MYCBP2: variants seen among roughly 807,000 people sequenced by gnomAD.
MYCBP2 encodes the protein MYC binding protein 2.
MYCBP2 carries 120 observed loss-of-function variants against 525.3 expected under a neutral mutation model. The ratio of observed to expected loss-of-function variants is 0.23; its 90% CI spans 0.20 to 0.27. The LOEUF (loss-of-function observed/expected upper bound fraction) is 0.27, where lower values mean the gene tolerates loss of function less well. MYCBP2 is among the 10% of genes least tolerant of loss of function. The pLI is 1.00. For missense variants in MYCBP2, 4,149 were observed against 5,657.1 expected (o/e 0.73, Z 8.55); for synonymous variants, 1,894 against 1,955.8 (o/e 0.97, Z 0.83).
chr13:77,234,747 G>A (rs1171857252), intron 17 of MYCBP2, among the ~76,000 whole-genome samples: 1 of 151,798 alleles, frequency 6.6e-6, no homozygotes, highest in Non-Finnish European at 1.5e-5. Flanking sequence ...TTCTTAACAT[G>A]CATGATTTCT....
chr13:77,057,556 G>T (rs2038369102), intron 78 of MYCBP2, among the ~76,000 whole-genome samples: 1 of 152,110 alleles, frequency 6.6e-6, no homozygotes, highest in African/African-American at 2.4e-5. Context: ...ATTATGTATA[G>T]ATCAATTATA....
intron 17 of MYCBP2, among the ~76,000 whole-genome samples, chr13:77,240,094 ATT>A (rs1217850997): frequency 6.6e-6 from 1 of 152,100 alleles, no homozygotes; most frequent in Non-Finnish European, 1.5e-5. Flanking sequence ...TATTCATCTA[ATT>A]TTGTTTTCTT....
At chr13:77,133,508 T>C (rs1281993884) in intron 52 of MYCBP2, among the ~76,000 whole-genome samples, 1 of 152,176 alleles carries the variant, frequency 6.6e-6, no homozygotes, top group East Asian at 1.9e-4. Context: ...TCCTTATCCT[T>C]AAGTAGCTTA....
chr13:77,290,758 G>C (rs960204728), intron 2 of MYCBP2, among the ~76,000 whole-genome samples: 1 of 152,166 alleles, frequency 6.6e-6, no homozygotes, highest in African/African-American at 2.4e-5. Context: ...GAGAATCCTT[G>C]TGATGGAACT....
chr13:77,151,618 A>G (rs1336686264), intron 46 of MYCBP2, among the ~76,000 whole-genome samples: 2 of 152,206 alleles, frequency 1.3e-5, no homozygotes, highest in Non-Finnish European at 2.9e-5. Context: ...TAGATGCAAA[A>G]AACAGATTCG....
In MYCBP2 at chr13:77,166,450, A is replaced by T; in HGVS notation, c.6219T>A (p.Thr2073=). 6.2e-7 allele frequency: 1 copy of T among 1,614,060 alleles called. No individual in the cohort carries two copies. The highest frequency in any genetic ancestry group is 8.5e-7 in the Non-Finnish European group (1 of 1,179,922). Residue 2073 remains threonine, a synonymous_variant, in exon 41 of 83, where the codon ACT becomes ACA. Transcript: ENST00000544440. ...DVLRLLIPVR[T]VQNSGYGPKL... ...TTGGTCCATATCCTGAATTCTGAAC[A>T]GTTCTGACAGGAATCAACAAACGAA...
Position 77,140,145 on chromosome 13 carries a change from T to C in MYCBP2, c.7420A>G (p.Lys2474Glu), listed in dbSNP as rs763024217. Residue 2474 changes from lysine to glutamate, a missense_variant, in exon 51 of 83, where the codon AAG becomes GAG. Around this residue, in one of 21 missense-constraint regions of MYCBP2, gnomAD observed 692 missense variants for 852.7 expected, o/e 0.81. Coordinates refer to ENST00000544440, the MANE Select transcript of MYCBP2 (RefSeq NM_015057.5). Reference protein sequence around the residue: ...QPNKVRKFVAKDSAGLRIRSH... With the variant: ...QPNKVRKFVAEDSAGLRIRSH... ...CGGATGCGAAGCCCCGCACTGTCCTTGGCCACAAATTTTCGAACCTGAGAA... is the reference window on the plus strand; with the variant it reads ...CGGATGCGAAGCCCCGCACTGTCCTCGGCCACAAATTTTCGAACCTGAGAA... 1.2e-5 allele frequency: 20 copies of C among 1,602,942 alleles called. No homozygotes were observed. Among genetic ancestry groups the C allele is most frequent in the Admixed American group, 1.8e-5 (1 of 56,474 alleles).
intron 55 of MYCBP2, among the ~76,000 whole-genome samples, chr13:77,120,758 G>C (rs543197930): frequency 6.6e-6 from 1 of 151,982 alleles, no homozygotes; most frequent in African/African-American, 2.4e-5. Flanking sequence ...CATGATGCTG[G>C]TCTCTTCCAT....
chr13:77,203,832 T>A (rs1305737624), intron 26 of MYCBP2, among the ~76,000 whole-genome samples: 3 of 151,954 alleles, frequency 2.0e-5, no homozygotes, highest in Non-Finnish European at 4.4e-5. Context: ...CTGGGAAAAC[T>A]GGCTAGCCAT....
intron 17 of MYCBP2, among the ~76,000 whole-genome samples, chr13:77,242,765 T>C (rs148629050): frequency 7.2e-5 from 11 of 152,206 alleles, no homozygotes; most frequent in African/African-American, 2.4e-4. Context: ...CCATTTCTAA[T>C]AGTTATTGAT....
chr13:77,209,507 T>C (rs1166184035), intron 23 of MYCBP2, among the ~76,000 whole-genome samples: 2 of 152,238 alleles, frequency 1.3e-5, no homozygotes, highest in Admixed American at 6.5e-5. Context: ...CTCTTGAACA[T>C]TGACTTCTAA....
intron 20 of MYCBP2, among the ~76,000 whole-genome samples, chr13:77,221,607 T>A (rs1410088077): frequency 6.6e-6 from 1 of 152,170 alleles, no homozygotes; most frequent in East Asian, 1.9e-4. Context: ...CTTTGCTGCA[T>A]ACATGACTGA....
At chr13:77,265,283 T>C (rs2073917872) in intron 8 of MYCBP2, among the ~76,000 whole-genome samples, 1 of 152,022 alleles carries the variant, frequency 6.6e-6, no homozygotes, top group African/African-American at 2.4e-5. Context: ...AAGATGCTTC[T>C]CAAGCTCTAA....
intron 47 of MYCBP2, among the ~76,000 whole-genome samples, chr13:77,147,934 C>T (rs144096472): frequency 8.3e-4 from 126 of 152,176 alleles, no homozygotes; most frequent in Middle Eastern, 3.4e-3. Flanking sequence ...GTATTCCATA[C>T]CTGCTCTAAA....
chr13:77,189,852 A>T (rs1414717670), intron 29 of MYCBP2, among the ~76,000 whole-genome samples: 1 of 152,152 alleles, frequency 6.6e-6, no homozygotes, highest in Admixed American at 6.5e-5. Flanking sequence ...TATCAGTCTT[A>T]TGAGACTACA....
chr13:77,056,134 GTGTGTGT>G (rs2037983702), intron 79 of MYCBP2, among the ~76,000 whole-genome samples: 1 of 150,874 alleles, frequency 6.6e-6, no homozygotes, highest in Non-Finnish European at 1.5e-5. Flanking sequence ...GTGTGTGTGT[GTGTGTGT>G]GTGTGTGTGT....
At chr13:77,243,753 C>A in intron 16 of MYCBP2, 53 bp downstream of exon 16, 1 of 1,513,610 alleles carries the variant, frequency 6.6e-7, no homozygotes, top group Non-Finnish European at 8.9e-7. Flanking sequence ...AACTGTCAGA[C>A]TTACTGAGTT....
rs781014057 is a variant in MYCBP2, at chr13:77,098,045, A to C, written c.9109T>G (p.Ser3037Ala). 8 of 1,613,568 alleles carry C rather than the reference A, an allele frequency of 5.0e-6. No individual in the cohort carries two copies. The highest frequency in any genetic ancestry group is 1.1e-5 in the South Asian group (1 of 91,056). ...ACTATGCCTTCATGCCAGAGGAAGGAAGCAAACACAGCTCTGGCACATTCG... is the reference window on the plus strand; with the variant it reads ...ACTATGCCTTCATGCCAGAGGAAGGCAGCAAACACAGCTCTGGCACATTCG... ...VAECARAVFA[S>A]FLWHEGIVHD... Residue 3037 changes from serine to alanine, a missense_variant, in exon 56 of 83, where the codon TCC becomes GCC. This residue lies in a region of MYCBP2 where 653 missense variants were observed against 744.7 expected (regional missense o/e 0.88). Transcript: ENST00000544440.
At chr13:77,323,798 C>T (rs544592379) in intron 1 of MYCBP2, among the ~76,000 whole-genome samples, 22 of 152,136 alleles carry the variant, frequency 1.4e-4, no homozygotes, top group South Asian at 6.2e-4. Context: ...GATATGATGC[C>T]TATCCTCAAT....
Sources: allele counts gnomAD v4.1 joint callset (sites outside exome capture counted in the v4.1 genomes callset), GRCh38; gene constraint gnomAD v4.1.1; regional missense constraint gnomAD v4.1.1; transcripts MANE v1.5; gene names NCBI Gene and HGNC (gene_info 2026-07-23, HGNC 2026-07-21).